GLCE: variants seen among roughly 807,000 people sequenced by gnomAD.
The protein encoded by GLCE is glucuronic acid epimerase.
GLCE carries 19 observed loss-of-function variants against 47.9 expected under a neutral mutation model. The ratio of observed to expected loss-of-function variants is 0.40; its 90% CI spans 0.28 to 0.58. The LOEUF is 0.58. Ranked by LOEUF, GLCE falls within the 20% of genes least tolerant of loss-of-function variation. The probability of loss-of-function intolerance (pLI) is 0.48; values close to 1 mark genes in which losing one functional copy is unlikely to be tolerated. For synonymous variants in GLCE, 245 were observed against 263.4 expected, an observed-to-expected ratio of 0.93 and a Z score of 0.68; for missense variants, 556 against 743.3, an observed-to-expected ratio of 0.75 and a Z score of 2.93.
Position 69,236,431 on chromosome 15 carries a change from G to A in GLCE, c.-13-19363G>A, listed in dbSNP as rs969919003. Among the ~76,000 whole-genome samples, 9 of 152,142 alleles carry A rather than the reference G, an allele frequency of 5.9e-5. No individual in the cohort carries two copies. The East Asian group carries it at 7.7e-4, about 13-fold the overall frequency. On this transcript the variant is annotated intron_variant, in intron 2 of 4. Transcript: ENST00000261858. ...AATTTGGAGATGACATTTGAGACAC[G>A]CCTTTTAAAAAAATTAGCATGTAGT...
intron 2 of GLCE, among the ~76,000 whole-genome samples, chr15:69,234,355 C>T (rs1391744104): frequency 2.0e-5 from 3 of 151,788 alleles, no homozygotes; most frequent in Non-Finnish European, 4.4e-5. Context: ...GTGGGGATGC[C>T]GCCCCATAGA....
chr15:69,225,236 A>G (rs2052430095), intron 2 of GLCE, among the ~76,000 whole-genome samples: 1 of 151,948 alleles, frequency 6.6e-6, no homozygotes, highest in Non-Finnish European at 1.5e-5. Context: ...TCTGCCCTAC[A>G]GTTGGCATAA....
At chr15:69,259,078 A>G (rs2052976414) in intron 3 of GLCE, among the ~76,000 whole-genome samples, 1 of 152,028 alleles carries the variant, frequency 6.6e-6, no homozygotes. Flanking sequence ...ATCATGGACC[A>G]TTGTTTTTTT....
chr15:69,184,823 A>G (rs2051799125), intron 1 of GLCE, among the ~76,000 whole-genome samples: 1 of 152,198 alleles, frequency 6.6e-6, no homozygotes, highest in Admixed American at 6.5e-5. Flanking sequence ...AGTGGGTACC[A>G]GGAAGGAGCT....
chr15:69,234,332 T>A (rs2052566862), intron 2 of GLCE, among the ~76,000 whole-genome samples: 1 of 152,084 alleles, frequency 6.6e-6, no homozygotes, highest in Non-Finnish European at 1.5e-5. Context: ...GGGCCACCGT[T>A]CACACAGCTG....
chr15:69,197,437 GAATA>G (rs1192214262), intron 1 of GLCE: 1 of 190,188 alleles, frequency 5.3e-6, no homozygotes, highest in East Asian at 1.3e-4. Flanking sequence ...CTATTTTGAT[GAATA>G]AAGATGTGTT....
At chr15:69,260,972 A>G (rs1339962022) in intron 3 of GLCE, 115 bp from the exon 4 acceptor site, 1 of 987,396 alleles carries the variant, frequency 1.0e-6, no homozygotes, top group Non-Finnish European at 1.5e-6. Flanking sequence ...AAGGAAGCCC[A>G]CAACTTCCTG....
intron 2 of GLCE, among the ~76,000 whole-genome samples, chr15:69,244,556 A>G: frequency 6.6e-6 from 1 of 152,290 alleles, no homozygotes; most frequent in African/African-American, 2.4e-5. Flanking sequence ...CTGAAATATA[A>G]TATTTATATA....
At chr15:69,237,824 A>G (rs1160110517) in intron 2 of GLCE, among the ~76,000 whole-genome samples, 2 of 152,240 alleles carry the variant, frequency 1.3e-5, no homozygotes, top group African/African-American at 4.8e-5. Flanking sequence ...TGTTTGAACC[A>G]TGCAGAGTAA....
At chr15:69,165,720 G>A (rs953059966) in intron 1 of GLCE, among the ~76,000 whole-genome samples, 1 of 151,776 alleles carries the variant, frequency 6.6e-6, no homozygotes, top group African/African-American at 2.4e-5. Context: ...GTTTATATTT[G>A]TCTTATTACT....
chr15:69,256,967 G>A (rs2052934147), intron 3 of GLCE, among the ~76,000 whole-genome samples: 1 of 152,162 alleles, frequency 6.6e-6, no homozygotes, highest in African/African-American at 2.4e-5. Context: ...AAACCAGAAA[G>A]CCAAATTGAA....
chr15:69,255,199 A>G (rs2052904018), intron 2 of GLCE, among the ~76,000 whole-genome samples: 1 of 152,228 alleles, frequency 6.6e-6, no homozygotes, highest in African/African-American at 2.4e-5. Flanking sequence ...CTAAGGTGTT[A>G]GGACATAAAT....
intron 2 of GLCE, among the ~76,000 whole-genome samples, chr15:69,222,632 C>T (rs889327079): frequency 2.6e-5 from 4 of 152,182 alleles, no homozygotes; most frequent in African/African-American, 9.7e-5. Context: ...TAGGTCATCT[C>T]TCTAACCTCT....
intron 2 of GLCE, among the ~76,000 whole-genome samples, chr15:69,220,087 A>G (rs1406239202): frequency 6.6e-6 from 1 of 152,132 alleles, no homozygotes; most frequent in Non-Finnish European, 1.5e-5. Context: ...ATTTTGTTGT[A>G]TGTATATACC....
intron 3 of GLCE, among the ~76,000 whole-genome samples, chr15:69,257,903 A>G (rs2052951106): frequency 6.6e-6 from 1 of 151,976 alleles, no homozygotes; most frequent in Non-Finnish European, 1.5e-5. Flanking sequence ...TTCTAAAATA[A>G]AAAAGTAAAA....
At chr15:69,231,936 G>A (rs1295314231) in intron 2 of GLCE, among the ~76,000 whole-genome samples, 1 of 152,042 alleles carries the variant, frequency 6.6e-6, no homozygotes, top group Non-Finnish European at 1.5e-5. Context: ...GGGATTACAG[G>A]TACACACCAC....
chr15:69,255,721 G>A (rs1165761068), intron 2 of GLCE, 73 bp from the exon 3 acceptor site: 12 of 788,222 alleles, frequency 1.5e-5, no homozygotes, highest in Non-Finnish European at 1.9e-5. Flanking sequence ...AAAAAAAAAA[G>A]CAAAGAAAAC....
In GLCE at chr15:69,190,021, C is replaced by T. The variant is rs559906015; in HGVS notation, c.-104-20295C>T. Among the ~76,000 whole-genome samples, 147 of 152,144 alleles carry T rather than the reference C, an allele frequency of 9.7e-4. 1 individual carries two copies. The highest frequency in any genetic ancestry group is 3.4e-3 in the African/African-American group (140 of 41,526). On this transcript the variant is annotated intron_variant, in intron 1 of 4. Coordinates refer to ENST00000261858, the MANE Select transcript of GLCE (RefSeq NM_015554.3). ...CCAACTAATTTCCTAAAGTGAAAGC[C>T]TAGGTCACTGATTTGAGACCTTCTT...
At chr15:69,204,939 TA>T in intron 1 of GLCE, among the ~76,000 whole-genome samples, 1 of 152,266 alleles carries the variant, frequency 6.6e-6, no homozygotes, top group Admixed American at 6.5e-5. Context: ...TTACAGACTA[TA>T]AGATCCAAAC....
Sources: allele counts gnomAD v4.1 joint callset (sites outside exome capture counted in the v4.1 genomes callset), GRCh38; gene constraint gnomAD v4.1.1; transcripts MANE v1.5; gene names NCBI Gene and HGNC (gene_info 2026-07-23, HGNC 2026-07-21).